The following GPR158 variants were observed in gnomAD, a reference collection of about 807,000 sequenced individuals.
GPR158 encodes the protein metabotropic glycine receptor.
A neutral mutation model predicts 78.2 loss-of-function variants in GPR158; 30 were observed. The ratio of observed to expected loss-of-function variants is 0.38; its 90% CI spans 0.29 to 0.52. The LOEUF is 0.52. Among genes scored for constraint, GPR158 ranks in the 20% least tolerant of loss-of-function variants. GPR158 has a pLI of 0.83. For synonymous variants in GPR158, 581 were observed against 591.1 expected (o/e 0.98, Z 0.25); for missense variants, 1,463 against 1,523.5 (o/e 0.96, Z 0.66).
chr10:25,449,378 CTAAG>C (rs1224042052), intron 4 of GPR158, among the ~76,000 whole-genome samples: 8 of 152,212 alleles, frequency 5.3e-5, no homozygotes, highest in African/African-American at 1.7e-4. Flanking sequence ...TGCCTCACTA[CTAAG>C]TAAGACTTGG....
At chr10:25,467,301 T>G (rs1165802792) in intron 5 of GPR158, among the ~76,000 whole-genome samples, 1 of 152,200 alleles carries the variant, frequency 6.6e-6, no homozygotes, top group African/African-American at 2.4e-5. Context: ...GTGGCTGCCC[T>G]TAGAGACAAT....
chr10:25,591,930 G>A (rs546358397), intron 8 of GPR158, among the ~76,000 whole-genome samples: 1 of 152,050 alleles, frequency 6.6e-6, no homozygotes, highest in South Asian at 2.1e-4. Context: ...AAAGCAATAG[G>A]CAATAATAAA....
At chr10:25,527,779 G>C (rs1836369770) in intron 5 of GPR158, among the ~76,000 whole-genome samples, 1 of 151,968 alleles carries the variant, frequency 6.6e-6, no homozygotes, top group Admixed American at 6.6e-5. Flanking sequence ...AAGTTATAAA[G>C]TTGATAAACC....
rs546581574 is a variant in GPR158, at chr10:25,410,974, T to C, written c.1112-1276T>C. Among the ~76,000 whole-genome samples the C allele has an allele frequency of 5.2e-3, 797 of 152,334 alleles. 4 individuals carry two copies. The highest frequency in any genetic ancestry group is 7.4e-3 in the Non-Finnish European group (505 of 68,042). Reference sequence around the variant, plus strand: ...AAACTGAGTATTATTAAAATGCTGTTACCTAGAAGAACCTCTTTCCCAAAT... The same window carrying C: ...AAACTGAGTATTATTAAAATGCTGTCACCTAGAAGAACCTCTTTCCCAAAT... On this transcript the variant is annotated intron_variant, in intron 3 of 10. Coordinates refer to ENST00000376351, the MANE Select transcript of GPR158 (RefSeq NM_020752.3).
intron 4 of GPR158, among the ~76,000 whole-genome samples, chr10:25,420,248 C>G (rs796155576): frequency 2.0e-5 from 3 of 152,280 alleles, no homozygotes; most frequent in African/African-American, 4.8e-5. Flanking sequence ...CTCCGGGGCT[C>G]AAGCAACCCT....
chr10:25,379,476 A>G (rs537907328), intron 2 of GPR158, among the ~76,000 whole-genome samples: 1 of 152,162 alleles, frequency 6.6e-6, no homozygotes, highest in African/African-American at 2.4e-5. Flanking sequence ...TCATTGAGAA[A>G]GCCAGGATTG....
At chr10:25,491,195 T>C (rs1418482008) in intron 5 of GPR158, among the ~76,000 whole-genome samples, 2 of 152,134 alleles carry the variant, frequency 1.3e-5, no homozygotes, top group African/African-American at 4.8e-5. Context: ...AAAGAGTCAA[T>C]TATTGCTCAC....
At chr10:25,367,146 T>C (rs924694173) in intron 2 of GPR158, among the ~76,000 whole-genome samples, 5 of 151,676 alleles carry the variant, frequency 3.3e-5, no homozygotes, top group Non-Finnish European at 7.4e-5. Context: ...ATTTCATCTA[T>C]AATCAAAACC....
At chr10:25,329,296 C>T (rs1039244535) in intron 2 of GPR158, among the ~76,000 whole-genome samples, 5 of 151,876 alleles carry the variant, frequency 3.3e-5, no homozygotes, top group African/African-American at 7.3e-5. Flanking sequence ...AAAAATTAGC[C>T]GGGCGTGGTG....
At chr10:25,241,157 CTT>C (rs1729222686) in intron 2 of GPR158, among the ~76,000 whole-genome samples, 1 of 122,494 alleles carries the variant, frequency 8.2e-6, no homozygotes, top group African/African-American at 3.8e-5. Flanking sequence ...TTCTTTCTTT[CTT>C]TCTTTCTTTC....
chr10:25,312,279 A>G (rs1854775667), intron 2 of GPR158, among the ~76,000 whole-genome samples: 1 of 152,074 alleles, frequency 6.6e-6, no homozygotes, highest in African/African-American at 2.4e-5. Flanking sequence ...TATATATCAG[A>G]GAAATTGTTT....
chr10:25,352,261 TTAATTAAAAA>T (rs1855485845), intron 2 of GPR158, among the ~76,000 whole-genome samples: 2 of 152,072 alleles, frequency 1.3e-5, no homozygotes, highest in Non-Finnish European at 2.9e-5. Flanking sequence ...ATTACTTTAG[TTAATTAAAAA>T]CTAACCCTGT....
At chr10:25,486,473 A>G (rs1835737275) in intron 5 of GPR158, among the ~76,000 whole-genome samples, 2 of 152,150 alleles carry the variant, frequency 1.3e-5, no homozygotes, top group South Asian at 4.1e-4. Context: ...GATTTTATGA[A>G]TGCAGAATGC....
chr10:25,383,891 G>C lies in GPR158; in HGVS notation c.1009-12020G>C, dbSNP rs1233081961. 2.6e-5 allele frequency among the ~76,000 whole-genome samples: 4 copies of C among 152,202 alleles called. No homozygotes were observed. The East Asian group carries it at 7.7e-4, about 29-fold the overall frequency. On this transcript the variant is annotated intron_variant, in intron 2 of 10. Transcript: ENST00000376351. The stretch of plus-strand genomic sequence containing the variant: ...TACTCTTTGGAGCCACACCCTTGGG[G>C]TTGAATCCTGGCTCAGCCAGTTGCT...
At chr10:25,384,636 C>T (rs113523128) in intron 2 of GPR158, among the ~76,000 whole-genome samples, 1,922 of 152,120 alleles carry the variant, frequency 0.013, 42 homozygotes, top group African/African-American at 0.044. Flanking sequence ...CACCTCTTTT[C>T]AGTCCAAGTT....
intron 5 of GPR158, among the ~76,000 whole-genome samples, chr10:25,496,010 C>T (rs1007405331): frequency 6.6e-6 from 1 of 152,036 alleles, no homozygotes; most frequent in Non-Finnish European, 1.5e-5. Flanking sequence ...ACCCCAGCTC[C>T]AGTTATGACA....
At chr10:25,546,035 C>G (rs1223564764) in intron 5 of GPR158, among the ~76,000 whole-genome samples, 1 of 152,158 alleles carries the variant, frequency 6.6e-6, no homozygotes, top group Admixed American at 6.6e-5. Context: ...GGAAACCTAA[C>G]TCAGTCTGAG....
At position 25,395,959 on chromosome 10, in the gene GPR158, A is replaced by C. The variant is rs1247462414; in HGVS notation, c.1057A>C (p.Ile353Leu). Residue 353 changes from isoleucine (I) to leucine (L), a missense_variant, in exon 3 of 11, where the codon ATT becomes CTT. Transcript: ENST00000376351. ...ATTCGTTCTTGGAGCCTATGAGTGC[A>C]TTTGCAAAGCAGGATTCTATCATCC... is the stretch of plus-strand genomic sequence containing the variant. ...LGFVLGAYEC[I>L]CKAGFYHPGV... The C allele has an allele frequency of 1.2e-6, 2 of 1,610,584 alleles. No homozygotes were observed.
intron 2 of GPR158, among the ~76,000 whole-genome samples, chr10:25,373,134 C>G (rs1402853204): frequency 1.3e-5 from 2 of 151,868 alleles, no homozygotes; most frequent in Non-Finnish European, 2.9e-5. Context: ...ATAGGAGATC[C>G]TGTCCTCTGT....
Sources: allele counts gnomAD v4.1 joint callset (sites outside exome capture counted in the v4.1 genomes callset), GRCh38; gene constraint gnomAD v4.1.1; transcripts MANE v1.5; gene names NCBI Gene and HGNC (gene_info 2026-07-23, HGNC 2026-07-21).